The following TMEM233 variants were observed in gnomAD, a reference collection of about 807,000 sequenced individuals.
TMEM233 encodes dispanin subfamily B member 2.
A neutral mutation model predicts 11.2 loss-of-function variants in TMEM233; 6 were observed. That is an observed-to-expected ratio of 0.54 (90% CI 0.29 to 1.06). The LOEUF (loss-of-function observed/expected upper bound fraction) is 1.06, where lower values mean the gene tolerates loss of function less well. Ranked by LOEUF, TMEM233 falls within the 50% of genes least tolerant of loss-of-function variation. The pLI is 0.08. For missense variants in TMEM233, 127 were observed against 144.7 expected (o/e 0.88, Z 0.63); for synonymous variants, 59 against 55.8 (o/e 1.06, Z -0.26).
downstream of TMEM233, among the ~76,000 whole-genome samples, chr12:119,645,474 G>C (rs983632778): frequency 6.6e-6 from 1 of 152,134 alleles, no homozygotes; most frequent in Non-Finnish European, 1.5e-5. Context: ...ATTCTGGTTT[G>C]GACAAGCACA....
chr12:119,649,085 G>A, the TMEM233 span, among the ~76,000 whole-genome samples: 2 of 152,150 alleles, frequency 1.3e-5, no homozygotes, highest in Non-Finnish European at 2.9e-5. Flanking sequence ...ATCACCTGAG[G>A]TCAGAACTTC....
chr12:119,651,984 AG>A, the TMEM233 span, among the ~76,000 whole-genome samples: 1 of 152,240 alleles, frequency 6.6e-6, no homozygotes, highest in African/African-American at 2.4e-5. Flanking sequence ...ACAAAAGCAT[AG>A]GAAACCAATG....
rs60318959 is a variant in TMEM233 at position 119,615,173 on chromosome 12, T to TAAAAAAAAAAAAAAAAAA, written c.187-14547_187-14530dup. ...AGGTCTCAGTCTACCCGCTTTCTGCTAAAAAAAAAAAAAAAAAAAAAAAAA... is the reference window on the plus strand; with the variant it reads ...AGGTCTCAGTCTACCCGCTTTCTGCTAAAAAAAAAAAAAAAAAAAAAAAAAAAAAAAAAAAAAAAAAAA... On this transcript the variant is annotated intron_variant, in intron 1 of 2. Transcript: ENST00000426426. Among the ~76,000 whole-genome samples the TAAAAAAAAAAAAAAAAAA allele has an allele frequency of 7.7e-4, 43 of 56,198 alleles. 3 individuals carry two copies. The East Asian group carries it at 8.2e-3, about 11-fold the overall frequency. The allele number at this position is 56,198 out of a possible 152,430, so 36.9% of individuals were successfully genotyped here.
the TMEM233 span, among the ~76,000 whole-genome samples, chr12:119,650,169 A>AAG: frequency 6.6e-6 from 1 of 151,892 alleles, no homozygotes; most frequent in South Asian, 2.1e-4. Context: ...AAAAAAAAAA[A>AAG]AAAAGTGGGT....
chr12:119,626,130 A>G (rs1954751486), intron 1 of TMEM233, among the ~76,000 whole-genome samples: 1 of 152,104 alleles, frequency 6.6e-6, no homozygotes, highest in Non-Finnish European at 1.5e-5. Flanking sequence ...CTCAAATAGA[A>G]TTTACCCTAT....
chr12:119,650,790 G>A, the TMEM233 span, among the ~76,000 whole-genome samples: 18 of 152,162 alleles, frequency 1.2e-4, no homozygotes, highest in African/African-American at 4.1e-4. Flanking sequence ...TTACAGGCAT[G>A]AGCCACCACA....
downstream of TMEM233, among the ~76,000 whole-genome samples, chr12:119,647,966 C>T (rs1320450239): frequency 6.6e-6 from 1 of 152,188 alleles, no homozygotes; most frequent in Non-Finnish European, 1.5e-5. Context: ...ACCTCGCCCC[C>T]ACTCTACTCA....
At chr12:119,611,713 A>G (rs1247305402) in intron 1 of TMEM233, among the ~76,000 whole-genome samples, 1 of 151,752 alleles carries the variant, frequency 6.6e-6, no homozygotes, top group Admixed American at 6.6e-5. Context: ...ACTGCTTTCC[A>G]TTTTTGCTTG....
chr12:119,613,004 A>G (rs1361366425), intron 1 of TMEM233, among the ~76,000 whole-genome samples: 1 of 152,072 alleles, frequency 6.6e-6, no homozygotes, highest in African/African-American at 2.4e-5. Context: ...GTACATGTGC[A>G]CAACGTGCAG....
chr12:119,627,833 A>G (rs1368453392), intron 1 of TMEM233, among the ~76,000 whole-genome samples: 1 of 152,218 alleles, frequency 6.6e-6, no homozygotes, highest in East Asian at 1.9e-4. Context: ...AGACATGCTC[A>G]CCAGTGCCAT....
chr12:119,651,084 G>A, the TMEM233 span, among the ~76,000 whole-genome samples: 16 of 152,342 alleles, frequency 1.1e-4, no homozygotes, highest in African/African-American at 3.1e-4. Flanking sequence ...CCGAGTATAC[G>A]ATTTAGGATG....
At position 119,641,630 on chromosome 12, in the gene TMEM233, A is replaced by G. The variant is rs1031122004; in HGVS notation, c.*925A>G. ...TCAAATGTAAACCCTTTAGATGTGA[A>G]TGTACTGGTTTAATGATGCCATTAT... On this transcript the variant is annotated 3_prime_UTR_variant, in exon 3 of 3. Coordinates refer to ENST00000426426, the MANE Select transcript of TMEM233 (RefSeq NM_001136534.3). The G allele has an allele frequency of 6.6e-6, 1 of 152,200 alleles. No individual in the cohort carries two copies. Among genetic ancestry groups the G allele is most frequent in the African/African-American group, 2.4e-5 (1 of 41,450 alleles). The allele number at this position is 152,200 out of a possible 1,614,324, so 9.4% of individuals were successfully genotyped here.
intron 1 of TMEM233, among the ~76,000 whole-genome samples, chr12:119,615,515 G>A (rs1013655611): frequency 7.2e-5 from 11 of 152,180 alleles, no homozygotes; most frequent in African/African-American, 2.7e-4. Context: ...GAAGGAACTT[G>A]GGTATAGGAA....
At position 119,594,080 on chromosome 12, in the gene TMEM233, C is replaced by T. The variant is rs775821968; in HGVS notation, c.186+46C>T. The T allele has an allele frequency of 2.9e-5, 44 of 1,539,856 alleles. No individual in the cohort carries two copies. The African/African-American group carries it at 4.5e-4, about 16-fold the overall frequency. On this transcript the variant is annotated intron_variant, in intron 1 of 2. Transcript: ENST00000426426. The surrounding 1 kb of genome is among the most constrained non-coding windows in gnomAD (Gnocchi z 5.6). ...GGCAGCCTGGGAGGAGAGACCCGGG[C>T]GGCTTTGAGCCCCTGCAGGGGAGTC...
chr12:119,608,343 GTATC>G (rs1036054600), intron 1 of TMEM233, among the ~76,000 whole-genome samples: 7 of 152,198 alleles, frequency 4.6e-5, no homozygotes, highest in Non-Finnish European at 7.3e-5. Flanking sequence ...TCTGTAGAAA[GTATC>G]TACCAAAAGG....
chr12:119,620,830 A>G (rs1018387146), intron 1 of TMEM233, among the ~76,000 whole-genome samples: 26 of 150,886 alleles, frequency 1.7e-4, no homozygotes, highest in African/African-American at 3.7e-4. Flanking sequence ...TATTAAGTGG[A>G]AAAAAAAGCA....
chr12:119,614,478 G>A (rs1422190849), intron 1 of TMEM233, among the ~76,000 whole-genome samples: 1 of 151,926 alleles, frequency 6.6e-6, no homozygotes, highest in Non-Finnish European at 1.5e-5. Context: ...AAAATTAGTA[G>A]CACAGCTTAG....
chr12:119,643,767 C>CAA (rs113473098), downstream of TMEM233, among the ~76,000 whole-genome samples: 668 of 119,522 alleles, frequency 5.6e-3, 2 homozygotes, highest in African/African-American at 0.019. Context: ...GATTCCGTAT[C>CAA]AAAAAAAAAA....
At chr12:119,601,161 G>A (rs1008261398) in intron 1 of TMEM233, among the ~76,000 whole-genome samples, 4 of 152,098 alleles carry the variant, frequency 2.6e-5, no homozygotes, top group African/African-American at 9.7e-5. Flanking sequence ...CTGAACGCAT[G>A]AATTTCCAGA....
Sources: allele counts gnomAD v4.1 joint callset (sites outside exome capture counted in the v4.1 genomes callset), GRCh38; gene constraint gnomAD v4.1.1; non-coding constraint Gnocchi (gnomAD v3.1); transcripts MANE v1.5; gene names NCBI Gene and HGNC (gene_info 2026-07-23, HGNC 2026-07-21).